The following CCDC85C variants were observed in gnomAD, a reference collection of about 807,000 sequenced individuals.
CCDC85C encodes coiled-coil domain containing 85C, also known as coiled-coil domain-containing protein 85C.
CCDC85C carries 18 observed loss-of-function variants against 38.3 expected under a neutral mutation model. That is an observed-to-expected ratio of 0.47 (90% CI 0.33 to 0.70). CCDC85C has a LOEUF of 0.70. Ranked by LOEUF, CCDC85C falls within the 30% of genes least tolerant of loss-of-function variation. CCDC85C has a pLI of 0.03. For missense variants in CCDC85C, 566 were observed against 621.2 expected (o/e 0.91, Z 0.94); for synonymous variants, 264 against 293.8 (o/e 0.90, Z 1.04).
At position 99,604,045 on chromosome 14, in the gene CCDC85C, C is replaced by A; in HGVS notation, c.-86G>T. On this transcript the variant is annotated 5_prime_UTR_variant, in exon 1 of 6. Transcript: ENST00000380243. ...GGGCTCCGCTGGGCCGGTCCGCGCGCGGGCGGGGGGCGGCCGGGGGCGCGT... is the reference window on the plus strand; with the variant it reads ...GGGCTCCGCTGGGCCGGTCCGCGCGAGGGCGGGGGGCGGCCGGGGGCGCGT... 2 of 979,858 alleles carry A rather than the reference C, an allele frequency of 2.0e-6. No homozygotes were observed. The highest frequency in any genetic ancestry group is 2.4e-6 in the Non-Finnish European group (2 of 829,416). 60.7% of individuals were successfully genotyped at this position (979,858 alleles called of 1,614,324 possible).
At chr14:99,561,779 G>T (rs1898121905) in intron 1 of CCDC85C, among the ~76,000 whole-genome samples, 1 of 152,208 alleles carries the variant, frequency 6.6e-6, no homozygotes, top group Non-Finnish European at 1.5e-5. Context: ...GTGGGAAGGG[G>T]GCAGAGGAGG....
intron 1 of CCDC85C, among the ~76,000 whole-genome samples, chr14:99,568,890 G>C (rs997308223): frequency 2.6e-5 from 4 of 152,206 alleles, no homozygotes; most frequent in African/African-American, 9.7e-5. Context: ...CGTGATGAGG[G>C]GACGCTCCAG....
Position 99,506,793 on chromosome 14 carries a change from C to T in CCDC85C, c.*8453G>A, listed in dbSNP as rs1896986755. ...CGTTGCTCTGCTGGTCTCACATGGT[C>T]GGAAGGACTTGAGTGAAGTGGTCAG... On this transcript the variant is annotated 3_prime_UTR_variant, in exon 6 of 6. Transcript: ENST00000380243. The T allele has an allele frequency of 7.2e-6, 3 of 414,056 alleles. 1 individual carries two copies. The highest frequency in any genetic ancestry group is 1.5e-3 in the Middle Eastern group (2 of 1,308). The allele number at this position is 414,056 out of a possible 1,614,324, so 25.6% of individuals were successfully genotyped here.
intron 2 of CCDC85C, chr14:99,534,989 C>T: frequency 2.3e-6 from 1 of 443,170 alleles, no homozygotes; most frequent in Non-Finnish European, 4.1e-6. Context: ...TCCCACCAGG[C>T]CCTGGGAACC....
At chr14:99,596,187 A>G (rs2055141568) in intron 1 of CCDC85C, among the ~76,000 whole-genome samples, 2 of 152,226 alleles carry the variant, frequency 1.3e-5, no homozygotes, top group South Asian at 4.1e-4. Flanking sequence ...AGATACCATC[A>G]GCCGCAGACA....
chr14:99,510,814 A>C lies in CCDC85C; in HGVS notation c.*4432T>G. On this transcript the variant is annotated 3_prime_UTR_variant, in exon 6 of 6. Transcript: ENST00000380243. ...CCTTTTTTCCCTCTTTGTTTTTTTA[A>C]CAAGATTTTCTAATCGACTTGCAGA... 1 of 1,399,126 alleles carries C rather than the reference A, an allele frequency of 7.1e-7. No homozygotes were observed. The allele number at this position is 1,399,126 out of a possible 1,614,324, so 86.7% of individuals were successfully genotyped here.
intron 1 of CCDC85C, among the ~76,000 whole-genome samples, chr14:99,556,003 A>G (rs558973779): frequency 3.3e-5 from 5 of 152,366 alleles, no homozygotes; most frequent in African/African-American, 1.2e-4. Flanking sequence ...ATCTTCTACC[A>G]AAGAACCGGT....
intron 1 of CCDC85C, among the ~76,000 whole-genome samples, chr14:99,563,860 T>A (rs1224979505): frequency 6.6e-6 from 1 of 152,224 alleles, no homozygotes; most frequent in African/African-American, 2.4e-5. Context: ...GTCTGCCCTC[T>A]GAGCACGGCC....
At chr14:99,581,501 G>A (rs2054968504) in intron 1 of CCDC85C, among the ~76,000 whole-genome samples, 1 of 152,240 alleles carries the variant, frequency 6.6e-6, no homozygotes, top group Non-Finnish European at 1.5e-5. Context: ...CCACTCCACG[G>A]GTGGGCAGAA....
chr14:99,575,872 A>T (rs1407745874), intron 1 of CCDC85C, among the ~76,000 whole-genome samples: 10 of 152,146 alleles, frequency 6.6e-5, no homozygotes, highest in Non-Finnish European at 1.5e-5. Context: ...ACCCCCACAG[A>T]CCGCCTGTGG....
intron 1 of CCDC85C, among the ~76,000 whole-genome samples, chr14:99,541,141 G>C (rs1203448402): frequency 6.6e-6 from 1 of 152,222 alleles, no homozygotes; most frequent in Admixed American, 6.5e-5. Context: ...TTGGCACACA[G>C]TCAGCCTCCA....
At chr14:99,594,390 T>C (rs2055120990) in intron 1 of CCDC85C, among the ~76,000 whole-genome samples, 1 of 152,164 alleles carries the variant, frequency 6.6e-6, no homozygotes, top group African/African-American at 2.4e-5. Context: ...GAGGGGAGGC[T>C]GGTCTGGGCC....
At chr14:99,531,387 C>T (rs1897490317) in intron 2 of CCDC85C, among the ~76,000 whole-genome samples, 1 of 152,092 alleles carries the variant, frequency 6.6e-6, no homozygotes, top group African/African-American at 2.4e-5. Context: ...CCCGGCTGGG[C>T]ACAGAGAATC....
chr14:99,502,859 A>C lies in CCDC85C; in HGVS notation c.*12387T>G. ...AGTACAGCAGTCACAGCCGTCTCAA[A>C]GCTCCGAACCATCCCAGCCCCAGCA... On this transcript the variant is annotated 3_prime_UTR_variant, in exon 6 of 6. Coordinates refer to ENST00000380243, the MANE Select transcript of CCDC85C (RefSeq NM_001144995.2). 1 of 1,613,054 alleles carries C rather than the reference A, an allele frequency of 6.2e-7. No homozygotes were observed.
At chr14:99,518,363 C>G (rs148855425) in intron 3 of CCDC85C, among the ~76,000 whole-genome samples, 3,224 of 152,214 alleles carry the variant, frequency 0.021, 117 homozygotes, top group African/African-American at 0.073. Context: ...GCTGCTACCT[C>G]CGGAGGCCCC....
At chr14:99,589,258 C>T (rs1260649780) in intron 1 of CCDC85C, among the ~76,000 whole-genome samples, 3 of 152,120 alleles carry the variant, frequency 2.0e-5, no homozygotes, top group Non-Finnish European at 2.9e-5. Context: ...GAGCACACAG[C>T]CACGGCCCAG....
Position 99,501,763 on chromosome 14 carries a change from T to C in CCDC85C, c.*13483A>G. The stretch of plus-strand genomic sequence containing the variant: ...ATAGTTTTAGAGCCTTAACACTCTT[T>C]TGAGAGGCCAGGGATCTAATGAGGG... On this transcript the variant is annotated 3_prime_UTR_variant, in exon 6 of 6. Coordinates refer to ENST00000380243, the MANE Select transcript of CCDC85C (RefSeq NM_001144995.2). The C allele has an allele frequency of 7.8e-6, 2 of 255,378 alleles. No individual in the cohort carries two copies. Among genetic ancestry groups the C allele is most frequent in the East Asian group, 2.0e-4 (2 of 10,134 alleles). 15.8% of individuals were successfully genotyped at this position (255,378 alleles called of 1,614,324 possible).
In CCDC85C at chr14:99,502,510, A is replaced by G; in HGVS notation, c.*12736T>C. The G allele has an allele frequency of 2.2e-6, 3 of 1,378,064 alleles. No individual in the cohort carries two copies. Among genetic ancestry groups the G allele is most frequent in the Non-Finnish European group, 2.9e-6 (3 of 1,030,674 alleles). 85.4% of individuals were successfully genotyped at this position (1,378,064 alleles called of 1,614,324 possible). A position where few individuals can be genotyped will look rare whatever the true frequency, so the allele number is the denominator to read the frequency against. On this transcript the variant is annotated 3_prime_UTR_variant, in exon 6 of 6. Coordinates refer to ENST00000380243, the MANE Select transcript of CCDC85C (RefSeq NM_001144995.2). ...AATATTTCAGAAGCATCATTAATTA[A>G]ATTATCTAATAGTTTCCACTTTGTC... is the stretch of plus-strand genomic sequence containing the variant.
intron 1 of CCDC85C, among the ~76,000 whole-genome samples, chr14:99,577,367 G>A (rs17095110): frequency 0.039 from 5,758 of 148,758 alleles, 194 homozygotes; most frequent in East Asian, 0.14. Context: ...GCAAGTGGGC[G>A]GCAGACGTGG....
Sources: gnomAD v4.1 joint callset for allele counts (sites outside exome capture counted in the v4.1 genomes callset) on GRCh38, gnomAD v4.1.1 for gene constraint, MANE v1.5 for transcripts, NCBI Gene and HGNC (gene_info 2026-07-23, HGNC 2026-07-21) for gene names.